EPHX2: variants seen among roughly 807,000 people sequenced by gnomAD.
EPHX2 encodes the protein bifunctional epoxide hydrolase 2.
EPHX2 carries 74 observed loss-of-function variants against 78.7 expected under a neutral mutation model. That is an observed-to-expected ratio of 0.94 (90% confidence interval 0.78 to 1.14). EPHX2 has a LOEUF of 1.14. Ranked by LOEUF, EPHX2 falls within the 50% of genes most tolerant of loss-of-function variation. EPHX2 has a pLI of 0.00. For missense variants in EPHX2, 715 were observed against 702.5 expected, an observed-to-expected ratio of 1.02 and a Z score of -0.20; for synonymous variants, 251 against 255.2, an observed-to-expected ratio of 0.98 and a Z score of 0.16.
chr8:27,492,338 G>C (rs376140942), intron 1 of EPHX2, among the ~76,000 whole-genome samples: 32 of 152,288 alleles, frequency 2.1e-4, no homozygotes, highest in African/African-American at 7.5e-4. Context: ...GCAAGACCCT[G>C]TCTCTCCAAA....
chr8:27,510,475 GCAC>G (rs1814196801), intron 5 of EPHX2, among the ~76,000 whole-genome samples: 1 of 152,170 alleles, frequency 6.6e-6, no homozygotes, highest in Admixed American at 6.5e-5. Flanking sequence ...AACAGGCCTG[GCAC>G]CTGCCGGTGG....
At chr8:27,501,325 T>TTCC (rs1563340046) in intron 2 of EPHX2, among the ~76,000 whole-genome samples, 3 of 13,688 alleles carry the variant, frequency 2.2e-4, no homozygotes, top group African/African-American at 6.5e-4. Context: ...GCTATATATT[T>TTCC]TCTTCTTCTT....
At chr8:27,525,099 TGTGTGTGTGCGC>T (rs1294001640) in intron 11 of EPHX2, among the ~76,000 whole-genome samples, 45 of 136,252 alleles carry the variant, frequency 3.3e-4, no homozygotes, top group African/African-American at 6.4e-4. Context: ...TGTGTGTGTG[TGTGTGTGTGCGC>T]GCGCGCGCGC....
Position 27,516,406 on chromosome 8 carries a change from T to TGTCTTGCA in EPHX2, c.910+9_910+10insTCTTGCAG. 1 of 1,613,378 alleles carries TGTCTTGCA rather than the reference T, an allele frequency of 6.2e-7. No individual in the cohort carries two copies. Among genetic ancestry groups the TGTCTTGCA allele is most frequent in the Non-Finnish European group, 8.5e-7 (1 of 1,179,502 alleles). On this transcript the variant is annotated intron_variant, in intron 8 of 18. Transcript: ENST00000521400. ...AGTCATCTGCTCCTCCCGGTGGGTG[T>TGTCTTGCA]GCTGTCTTGCAGCTGTCTTATGCTG...
chr8:27,506,823 A>C (rs940576301), intron 4 of EPHX2, 49 bp from the exon 5 acceptor site: 10 of 1,596,340 alleles, frequency 6.3e-6, no homozygotes, highest in Non-Finnish European at 7.7e-6. Context: ...CCCTGTTTGC[A>C]TTCTGGTGAG....
chr8:27,541,482 A>G lies in EPHX2; in HGVS notation c.1389A>G (p.Leu463=). The G allele has an allele frequency of 6.2e-7, 1 of 1,614,164 alleles. No homozygotes were observed. The highest frequency in any genetic ancestry group is 8.5e-7 in the Non-Finnish European group (1 of 1,179,992). Residue 463 remains leucine, a synonymous_variant, in exon 16 of 19, where the codon CTA becomes CTG. Transcript: ENST00000521400. ...QFKKSGFRGP[L]NWYRNMERNW... ...TCTGATCTCTCCCCAGAGGTCCTCT[A>G]AACTGGTACCGAAACATGGAAAGGA...
chr8:27,515,488 T>G (rs1010568688), intron 6 of EPHX2: 14 of 534,022 alleles, frequency 2.6e-5, no homozygotes, highest in African/African-American at 1.9e-4. Flanking sequence ...CATCATAATC[T>G]TTGCAGAATT....
intron 12 of EPHX2, among the ~76,000 whole-genome samples, chr8:27,525,858 A>G (rs978089296): frequency 6.6e-6 from 1 of 152,200 alleles, no homozygotes; most frequent in South Asian, 2.1e-4. Context: ...TGTGCTCTGA[A>G]GAATCTGAGA....
rs185660827 is a variant in EPHX2, at chr8:27,513,821, C to T, written c.736-1897C>T. 1.8e-4 allele frequency among the ~76,000 whole-genome samples: 27 copies of T among 152,224 alleles called. 1 individual carries two copies. Among genetic ancestry groups the T allele is most frequent in the African/African-American group, 5.8e-4 (24 of 41,546 alleles). ...GTTGGGATCTGTGCTAGAACACAGG[C>T]GAACTAGGATCGTTTTTGATCAGAC... On this transcript the variant is annotated intron_variant, in intron 6 of 18. Transcript: ENST00000521400.
chr8:27,499,219 TC>T (rs2132711807), intron 1 of EPHX2, among the ~76,000 whole-genome samples: 1 of 152,272 alleles, frequency 6.6e-6, no homozygotes, highest in East Asian at 1.9e-4. Context: ...CCCAATCACT[TC>T]TTAAAGGCCC....
In EPHX2 at chr8:27,544,761, T is replaced by C. The variant is rs1815533002; in HGVS notation, c.*239T>C. 1.8e-6 allele frequency: 1 copy of C among 556,310 alleles called. No individual in the cohort carries two copies. Among genetic ancestry groups the C allele is most frequent in the Admixed American group, 3.1e-5 (1 of 32,046 alleles). The allele number at this position is 556,310 out of a possible 1,614,324, so 34.5% of individuals were successfully genotyped here. On this transcript the variant is annotated 3_prime_UTR_variant, in exon 19 of 19. Transcript: ENST00000521400. ...GGCATGAATGCATCGTCCCTTTATC[T>C]GTAAGAACCCTTAGTGTCCTGTAGG...
intron 2 of EPHX2, among the ~76,000 whole-genome samples, chr8:27,501,385 T>TTCTTCC (rs1813787299): frequency 1.1e-5 from 1 of 88,148 alleles, no homozygotes; most frequent in Non-Finnish European, 2.4e-5. Flanking sequence ...CTTCTTCTTC[T>TTCTTCC]TCTTCTTCTT....
chr8:27,516,319 G>C lies in EPHX2; in HGVS notation c.832-1G>C, dbSNP rs778933824. The C allele has an allele frequency of 1.2e-6, 2 of 1,613,654 alleles. No individual in the cohort carries two copies. The highest frequency in any genetic ancestry group is 2.7e-5 in the African/African-American group (2 of 74,894). The stretch of plus-strand genomic sequence containing the variant: ...CTGGAGTGTGCCTGTTTGTTTTCTA[G>C]ATCCCTGCTCTGGCCCAGGCAGGTT... On this transcript the variant is annotated splice_acceptor_variant, in intron 7 of 18. Transcript: ENST00000521400. LOFTEE classifies it high-confidence loss of function.
chr8:27,531,015 G>A (rs146599982), intron 12 of EPHX2, among the ~76,000 whole-genome samples: 2,352 of 151,626 alleles, frequency 0.016, 56 homozygotes, highest in African/African-American at 0.055. Context: ...TACCTGCCTC[G>A]GCCTCCCAAA....
chr8:27,508,760 G>C (rs922110930), intron 5 of EPHX2, among the ~76,000 whole-genome samples: 64 of 152,076 alleles, frequency 4.2e-4, no homozygotes, highest in African/African-American at 1.4e-3. Context: ...CTTTGTGTGT[G>C]TGTGTGCGCG....
chr8:27,525,510 G>A (rs753199907), intron 12 of EPHX2, 37 bp downstream of exon 12: 4 of 1,532,828 alleles, frequency 2.6e-6, no homozygotes, highest in Non-Finnish European at 3.6e-6. Context: ...GGGAGCATTA[G>A]TGTTTGCCTT....
chr8:27,537,218 T>C (rs924190112), intron 13 of EPHX2, among the ~76,000 whole-genome samples: 5 of 152,114 alleles, frequency 3.3e-5, no homozygotes, highest in Non-Finnish European at 7.4e-5. Context: ...GTGTTAGGAG[T>C]CATCATCACT....
intron 6 of EPHX2, among the ~76,000 whole-genome samples, chr8:27,514,671 C>T (rs756951106): frequency 6.6e-6 from 1 of 152,176 alleles, no homozygotes; most frequent in Non-Finnish European, 1.5e-5. Context: ...CCACCTTCCT[C>T]GAGGCCCATG....
chr8:27,517,697 A>G (rs900111133), intron 8 of EPHX2, among the ~76,000 whole-genome samples: 1 of 152,240 alleles, frequency 6.6e-6, no homozygotes, highest in African/African-American at 2.4e-5. Context: ...AAAGAATGAA[A>G]TTGGACCTTT....
Sources: gnomAD v4.1 joint callset for allele counts (sites outside exome capture counted in the v4.1 genomes callset) on GRCh38, gnomAD v4.1.1 for gene constraint, MANE v1.5 for transcripts, NCBI Gene and HGNC (gene_info 2026-07-23, HGNC 2026-07-21) for gene names.